INTS4: variants seen among roughly 807,000 people sequenced by gnomAD.
The protein encoded by INTS4 is MSTP093.
Under a neutral mutation model 119.5 loss-of-function variants are expected in INTS4, and 70 were observed. That is an observed-to-expected ratio of 0.59 (90% CI 0.48 to 0.71). INTS4 has a LOEUF of 0.71. INTS4 is among the 30% of genes least tolerant of loss of function. The pLI, the probability that INTS4 is intolerant of heterozygous loss-of-function variation, is 0.00. For synonymous variants in INTS4, 316 were observed against 419.6 expected (o/e 0.75, Z 3.02); for missense variants, 867 against 1,173.2 (o/e 0.74, Z 3.81).
At chr11:77,961,606 C>T (rs1248857204) in intron 4 of INTS4, among the ~76,000 whole-genome samples, 1 of 152,154 alleles carries the variant, frequency 6.6e-6, no homozygotes, top group African/African-American at 2.4e-5. Flanking sequence ...ATAACCAACA[C>T]TCCAGAAATA....
chr11:77,922,601 A>G (rs932727839), intron 12 of INTS4, 130 bp from the exon 13 acceptor site: 2 of 783,960 alleles, frequency 2.6e-6, no homozygotes, highest in Admixed American at 5.8e-5. Flanking sequence ...TGCTAACTCT[A>G]TGACTTCAGA....
intron 4 of INTS4, 166 bp downstream of exon 4, chr11:77,978,830 T>C (rs1003002328): frequency 1.1e-5 from 5 of 471,250 alleles, no homozygotes; most frequent in Non-Finnish European, 2.0e-5. Context: ...TTTTCATTTG[T>C]TTTGAAAGGA....
intron 2 of INTS4, among the ~76,000 whole-genome samples, chr11:77,984,886 A>AG (rs1227330527): frequency 6.8e-5 from 9 of 132,642 alleles, no homozygotes; most frequent in African/African-American, 1.1e-4. Flanking sequence ...AAGGGAAAAA[A>AG]GGGGGGGAAA....
chr11:77,993,805 A>G (rs530524923), intron 1 of INTS4, among the ~76,000 whole-genome samples: 6 of 152,130 alleles, frequency 3.9e-5, no homozygotes, highest in Non-Finnish European at 7.4e-5. Flanking sequence ...GGAATGCAGA[A>G]TCTTGCCTCA....
intron 15 of INTS4, chr11:77,918,156 G>A (rs1953248077): frequency 2.9e-6 from 2 of 700,102 alleles, no homozygotes; most frequent in Admixed American, 2.0e-5. Flanking sequence ...CCTAGGCCGG[G>A]CACAGTGGCT....
chr11:77,877,566 G>A (rs967073361), downstream of INTS4, among the ~76,000 whole-genome samples: 4 of 152,208 alleles, frequency 2.6e-5, no homozygotes, highest in Admixed American at 2.6e-4. Flanking sequence ...TACTTCCCCT[G>A]AGGTGGTATA....
At chr11:77,874,368 C>T (rs1436599116), downstream of INTS4, among the ~76,000 whole-genome samples, 8 of 150,416 alleles carry the variant, frequency 5.3e-5, no homozygotes, top group African/African-American at 7.4e-5. Flanking sequence ...TCTAGTGATG[C>T]AGTCTTTTTT....
At chr11:77,932,772 G>GC (rs1953684193) in intron 10 of INTS4, among the ~76,000 whole-genome samples, 1 of 152,098 alleles carries the variant, frequency 6.6e-6, no homozygotes, top group South Asian at 2.1e-4. Flanking sequence ...ATACCACGCA[G>GC]CCATAAAAAA....
In INTS4 at chr11:77,991,205, G is replaced by C. The variant is rs753120517; in HGVS notation, c.149C>G (p.Ala50Gly). Reference protein sequence around the residue: ...HIDLCKATSPADALQYLLQFA... With the variant: ...HIDLCKATSPGDALQYLLQFA... The stretch of plus-strand genomic sequence containing the variant: ...CTGGAGCAAGTATTGCAAAGCATCT[G>C]CTGGGGAGGTAGCTTTACACAGATC... Residue 50 changes from alanine (A) to glycine (G), a missense_variant, in exon 2 of 23, where the codon GCA (alanine) becomes GGA (glycine). Transcript: ENST00000534064. 8 of 1,613,974 alleles carry C rather than the reference G, an allele frequency of 5.0e-6. No homozygotes were observed. Among genetic ancestry groups the C allele is most frequent in the Admixed American group, 1.7e-5 (1 of 59,990 alleles).
chr11:77,990,259 G>A (rs1475474302), intron 2 of INTS4, among the ~76,000 whole-genome samples: 3 of 151,514 alleles, frequency 2.0e-5, no homozygotes, highest in Non-Finnish European at 2.9e-5. Context: ...CTGGAGTAGT[G>A]GCACGTCTGC....
At chr11:77,973,211 T>C (rs1855801373) in intron 4 of INTS4, among the ~76,000 whole-genome samples, 1 of 152,230 alleles carries the variant, frequency 6.6e-6, no homozygotes, top group African/African-American at 2.4e-5. Context: ...TATTGTTCAC[T>C]GCAAGTGTAT....
At chr11:77,963,662 T>G (rs891539388) in intron 4 of INTS4, among the ~76,000 whole-genome samples, 4 of 152,162 alleles carry the variant, frequency 2.6e-5, no homozygotes, top group Admixed American at 2.6e-4. Flanking sequence ...AATAACATAC[T>G]GATCCATTCA....
In INTS4 at chr11:77,958,936, G is replaced by A. The variant is rs1442018009; in HGVS notation, c.709-102C>T. On this transcript the variant is annotated intron_variant, in intron 6 of 22. Transcript: ENST00000534064. ...TAGGGTGGTTGGATAAGGATGCCCAGTAAAACACTTGTGTGTGGTTTTAAC... is the reference window on the plus strand; with the variant it reads ...TAGGGTGGTTGGATAAGGATGCCCAATAAAACACTTGTGTGTGGTTTTAAC... 4 of 737,594 alleles carry A rather than the reference G, an allele frequency of 5.4e-6. No individual in the cohort carries two copies. The African/African-American group carries it at 7.0e-5, about 13-fold the overall frequency. The allele number at this position is 737,594 out of a possible 1,614,324, so 45.7% of individuals were successfully genotyped here. A position where few individuals can be genotyped will look rare whatever the true frequency, so the allele number is the denominator to read the frequency against.
chr11:77,929,648 G>T (rs1236621059), intron 10 of INTS4, among the ~76,000 whole-genome samples: 1 of 152,160 alleles, frequency 6.6e-6, no homozygotes, highest in Non-Finnish European at 1.5e-5. Flanking sequence ...TCTGTTGATT[G>T]TAGGCTAAAA....
intron 4 of INTS4, among the ~76,000 whole-genome samples, chr11:77,961,358 T>C (rs942524240): frequency 6.6e-6 from 1 of 152,104 alleles, no homozygotes; most frequent in African/African-American, 2.4e-5. Flanking sequence ...GTCCTAGTTT[T>C]TCATCTTTGT....
intron 8 of INTS4, among the ~76,000 whole-genome samples, chr11:77,943,621 A>C (rs1444762405): frequency 6.6e-6 from 1 of 152,250 alleles, no homozygotes. Context: ...GGTGTACTTT[A>C]ACCAAGACAA....
intron 4 of INTS4, among the ~76,000 whole-genome samples, chr11:77,975,671 C>G (rs1855915605): frequency 6.6e-6 from 1 of 151,958 alleles, no homozygotes; most frequent in Admixed American, 6.6e-5. Flanking sequence ...TTAAGAACCT[C>G]TACAGGCCGG....
intron 18 of INTS4, among the ~76,000 whole-genome samples, chr11:77,897,628 G>A (rs1268238675): frequency 3.3e-5 from 5 of 149,512 alleles, no homozygotes; most frequent in Non-Finnish European, 7.4e-5. Flanking sequence ...AGCCTCCCGA[G>A]TAGCTGGGAT....
intron 15 of INTS4, among the ~76,000 whole-genome samples, chr11:77,914,729 T>G (rs1314662866): frequency 1.3e-5 from 2 of 152,192 alleles, no homozygotes. Flanking sequence ...TGTGCTTCAA[T>G]CAGATCTTAC....
Sources: gnomAD v4.1 joint callset for allele counts (sites outside exome capture counted in the v4.1 genomes callset) on GRCh38, gnomAD v4.1.1 for gene constraint, MANE v1.5 for transcripts, NCBI Gene and HGNC (gene_info 2026-07-23, HGNC 2026-07-21) for gene names.